The following SPRY3 variants were observed in gnomAD, a reference collection of about 807,000 sequenced individuals.
SPRY3 encodes the protein sprouty RTK signaling antagonist 3.
A neutral mutation model predicts 20.2 loss-of-function variants in SPRY3; 15 were observed. The observed-to-expected ratio is 0.74, with a 90% CI of 0.50 to 1.14. The LOEUF (loss-of-function observed/expected upper bound fraction) is 1.14, where lower values mean the gene tolerates loss of function less well. Among genes scored for constraint, SPRY3 ranks in the 50% most tolerant of loss-of-function variants. SPRY3 has a pLI of 0.00. For synonymous variants in SPRY3, 143 were observed against 136.5 expected, an observed-to-expected ratio of 1.05 and a Z score of -0.33; for missense variants, 364 against 363.9, an observed-to-expected ratio of 1.00 and a Z score of 0.00.
chrX:155,770,474 G>A lies in SPRY3; in HGVS notation c.-107+2338G>A, dbSNP rs185355329. On this transcript the variant is annotated intron_variant, in intron 3 of 3. Coordinates refer to ENST00000675360, the Ensembl canonical transcript of SPRY3. ...AGAAAAACTGTTTAGAAAGCTATGA[G>A]CACCTGGCCAGAGAGACTGTGATGG... is the stretch of plus-strand genomic sequence containing the variant. Among the ~76,000 whole-genome samples, 14 of 152,272 alleles carry A rather than the reference G, an allele frequency of 9.2e-5. No individual in the cohort carries two copies. In the East Asian group the frequency reaches 2.7e-3, roughly 29 times the overall value.
downstream of SPRY3, chrX:155,780,218 G>A (rs764099281): frequency 6.0e-6 from 1 of 167,088 alleles, no homozygotes; most frequent in South Asian, 2.1e-4. Flanking sequence ...ACCATACCAG[G>A]TAATAGTCAT....
At chrX:155,616,134 T>TCTCTCTCTCTCTCTCTCTCTCTCTG (rs1557348870) in intron 1 of SPRY3, among the ~76,000 whole-genome samples, 1 of 58,433 alleles carries the variant, frequency 1.7e-5, no homozygotes, top group East Asian at 7.5e-4. Flanking sequence ...CTCTCTCCTC[T>TCTCTCTCTCTCTCTCTCTCTCTCTG]CTCTCTCTCT....
chrX:155,744,573 T>G (rs1482411314), intron 2 of SPRY3, among the ~76,000 whole-genome samples: 1 of 151,990 alleles, frequency 6.6e-6, no homozygotes, highest in African/African-American at 2.4e-5. Context: ...TCTTTCAGTG[T>G]CATGCTGTAC....
chrX:155,767,165 G>C (rs1028149425), intron 2 of SPRY3, among the ~76,000 whole-genome samples: 3 of 152,018 alleles, frequency 2.0e-5, no homozygotes, highest in Admixed American at 1.3e-4. Flanking sequence ...AATTTCATCT[G>C]GATGACGCCA....
At chrX:155,624,877 T>C (rs1283560352) in intron 1 of SPRY3, among the ~76,000 whole-genome samples, 1 of 111,648 alleles carries the variant, frequency 9.0e-6, no homozygotes, top group Non-Finnish European at 1.9e-5. Context: ...ATTCTGAGAA[T>C]AGAACACGGA....
intron 2 of SPRY3, among the ~76,000 whole-genome samples, chrX:155,713,641 C>T (rs1274964207): frequency 6.6e-6 from 1 of 151,998 alleles, no homozygotes; most frequent in Non-Finnish European, 1.5e-5. Flanking sequence ...TATCCTTGAC[C>T]TTTGAGAGTT....
intron 2 of SPRY3, among the ~76,000 whole-genome samples, chrX:155,715,127 C>G (rs2091013184): frequency 6.6e-6 from 1 of 152,122 alleles, no homozygotes; most frequent in Non-Finnish European, 1.5e-5. Context: ...ACTTTTTCCT[C>G]TGCTTTTCTC....
At chrX:155,621,930 C>G (rs1452450673) in intron 1 of SPRY3, among the ~76,000 whole-genome samples, 1 of 111,495 alleles carries the variant, frequency 9.0e-6, no homozygotes, top group Non-Finnish European at 1.9e-5. Context: ...GGTTCCCTGC[C>G]CTGCTTTTAC....
intron 2 of SPRY3, among the ~76,000 whole-genome samples, chrX:155,704,609 A>C (rs1419666653): frequency 6.6e-5 from 10 of 151,774 alleles, no homozygotes; most frequent in Admixed American, 2.0e-4. Context: ...AAGTATTTTA[A>C]AAAATAATGA....
At chrX:155,773,477 C>A (rs754325974) in intron 3 of SPRY3, among the ~76,000 whole-genome samples, 2 of 151,908 alleles carry the variant, frequency 1.3e-5, no homozygotes, top group East Asian at 3.9e-4. Context: ...TCTCTGCTAG[C>A]AAATACCTGA....
intron 2 of SPRY3, among the ~76,000 whole-genome samples, chrX:155,713,817 C>A (rs1440286328): frequency 6.6e-6 from 1 of 152,222 alleles, no homozygotes; most frequent in Admixed American, 6.5e-5. Context: ...CTCTTTAAGG[C>A]CAATAACTCT....
At chrX:155,716,981 A>AAAATATATATATATATATATAT in intron 2 of SPRY3, among the ~76,000 whole-genome samples, 1 of 63,500 alleles carries the variant, frequency 1.6e-5, no homozygotes, top group Non-Finnish European at 2.9e-5. Flanking sequence ...TAAAATACAA[A>AAAATATATATATATATATATAT]ATATATATAT....
At chrX:155,760,480 T>A (rs1485459201) in intron 2 of SPRY3, among the ~76,000 whole-genome samples, 1 of 152,134 alleles carries the variant, frequency 6.6e-6, no homozygotes, top group African/African-American at 2.4e-5. Flanking sequence ...GGTGCTTAGA[T>A]CCTTTTTCAG....
At position 155,759,905 on chromosome X, in the gene SPRY3, A is replaced by G. The variant is rs773964944; in HGVS notation, c.-281-8057A>G. On this transcript the variant is annotated intron_variant, in intron 2 of 3. Transcript: ENST00000675360. ...AGTTAAGTACATCCTCTATGACTCAATTGAAAAAAATACTTCCTCCAGGAA... is the reference window on the plus strand; with the variant it reads ...AGTTAAGTACATCCTCTATGACTCAGTTGAAAAAAATACTTCCTCCAGGAA... Among the ~76,000 whole-genome samples, 214 of 152,260 alleles carry G rather than the reference A, an allele frequency of 1.4e-3. 1 individual carries two copies. The highest frequency in any genetic ancestry group is 4.9e-3 in the African/African-American group (202 of 41,536).
At chrX:155,631,708 G>A (rs144217435) in intron 1 of SPRY3, among the ~76,000 whole-genome samples, 1,454 of 111,613 alleles carry the variant, frequency 0.013, 24 homozygotes, top group African/African-American at 0.045. Context: ...CAATTCAGCT[G>A]TTGATTCTCT....
chrX:155,631,370 A>G (rs782583075), intron 1 of SPRY3, among the ~76,000 whole-genome samples: 2 of 112,011 alleles, frequency 1.8e-5, no homozygotes, highest in East Asian at 5.6e-4. Context: ...GGTTGATTCC[A>G]TGTCTTGGCT....
At chrX:155,766,772 G>A (rs1458560595) in intron 2 of SPRY3, among the ~76,000 whole-genome samples, 1 of 152,156 alleles carries the variant, frequency 6.6e-6, no homozygotes, top group Non-Finnish European at 1.5e-5. Context: ...GCTGCATGAA[G>A]GCAGGAATCC....
At chrX:155,767,706 AGAGGAG>A (rs1391656447) in intron 2 of SPRY3, 1 of 44,558 alleles carries the variant, frequency 2.2e-5, no homozygotes, top group African/African-American at 5.2e-5. Context: ...AGGAGAAAGA[AGAGGAG>A]GAGGAGAAAG....
At chrX:155,729,267 T>C (rs2091118076) in intron 2 of SPRY3, among the ~76,000 whole-genome samples, 2 of 152,208 alleles carry the variant, frequency 1.3e-5, no homozygotes, top group South Asian at 4.1e-4. Context: ...CACATTCTTT[T>C]CCTTAGCACG....
Sources: allele counts gnomAD v4.1 joint callset (sites outside exome capture counted in the v4.1 genomes callset), GRCh38; gene constraint gnomAD v4.1.1; transcripts MANE v1.5; gene names NCBI Gene and HGNC (gene_info 2026-07-23, HGNC 2026-07-21).